Variants in WDR72 observed in about 807,000 individuals in gnomAD.
WDR72 encodes WD repeat-containing protein 72.
Under a neutral mutation model 124.2 loss-of-function variants are expected in WDR72, and 120 were observed. That is an observed-to-expected ratio of 0.97 (90% CI 0.83 to 1.12). The LOEUF (loss-of-function observed/expected upper bound fraction) is 1.12, where lower values mean the gene tolerates loss of function less well. Among genes scored for constraint, WDR72 ranks in the 50% most tolerant of loss-of-function variants. The pLI is 0.00. For synonymous variants in WDR72, 452 were observed against 441.7 expected (o/e 1.02, Z -0.29); for missense variants, 1,387 against 1,278.8 (o/e 1.08, Z -1.29).
chr15:53,718,253 TTCTAAACCAGTAGC>T (rs145532998), intron 3 of WDR72, among the ~76,000 whole-genome samples: 1 of 132,174 alleles, frequency 7.6e-6, no homozygotes, highest in African/African-American at 4.4e-5. Flanking sequence ...TCTAGCCCAT[TTCTAAACCAGTAGC>T]TCTAAATTCT....
chr15:53,737,872 T>C (rs146902279), intron 1 of WDR72, among the ~76,000 whole-genome samples: 1 of 152,294 alleles, frequency 6.6e-6, no homozygotes, highest in Non-Finnish European at 1.5e-5. Flanking sequence ...AGACCACGCA[T>C]ACAACATTTA....
intron 15 of WDR72, among the ~76,000 whole-genome samples, 187 bp downstream of exon 15, chr15:53,615,239 A>G (rs1040166263): frequency 6.6e-6 from 1 of 152,006 alleles, no homozygotes; most frequent in African/African-American, 2.4e-5. Context: ...TTTATTGCCA[A>G]ATTATACTCT....
chr15:53,684,893 G>A (rs2016555864), intron 13 of WDR72, among the ~76,000 whole-genome samples: 1 of 152,212 alleles, frequency 6.6e-6, no homozygotes, highest in South Asian at 2.1e-4. Context: ...CCTCAAGTGG[G>A]TGCCTGACCC....
At chr15:53,551,505 G>A (rs546681616) in intron 18 of WDR72, among the ~76,000 whole-genome samples, 114 of 152,190 alleles carry the variant, frequency 7.5e-4, no homozygotes, top group Non-Finnish European at 1.5e-3. Flanking sequence ...CAGGAGATGC[G>A]TAAAGGAAGA....
chr15:53,635,392 T>C (rs963131567), intron 14 of WDR72, among the ~76,000 whole-genome samples: 54 of 152,178 alleles, frequency 3.5e-4, no homozygotes, highest in Non-Finnish European at 6.3e-4. Flanking sequence ...GATAAATTAA[T>C]TCAGAATTGG....
intron 1 of WDR72, among the ~76,000 whole-genome samples, chr15:53,734,135 T>C (rs1430638855): frequency 6.6e-6 from 1 of 151,526 alleles, no homozygotes; most frequent in East Asian, 1.9e-4. Flanking sequence ...TTATTTCTAA[T>C]GTTCAATTAT....
chr15:53,717,897 GA>G (rs1348314121), intron 3 of WDR72, among the ~76,000 whole-genome samples: 2 of 151,890 alleles, frequency 1.3e-5, no homozygotes, highest in African/African-American at 2.4e-5. Flanking sequence ...AAAATAGGAG[GA>G]AAAAATCTCT....
At chr15:53,726,575 T>C (rs1479989210) in intron 2 of WDR72, among the ~76,000 whole-genome samples, 3 of 152,056 alleles carry the variant, frequency 2.0e-5, no homozygotes, top group African/African-American at 7.2e-5. Flanking sequence ...AGCATGGTGG[T>C]TCATGTTTAT....
chr15:53,653,498 G>A (rs1386962792), intron 14 of WDR72, among the ~76,000 whole-genome samples: 1 of 152,202 alleles, frequency 6.6e-6, no homozygotes, highest in Non-Finnish European at 1.5e-5. Context: ...ACTAACATCA[G>A]TGGAAATATG....
chr15:53,657,202 T>C (rs915534158), intron 14 of WDR72, among the ~76,000 whole-genome samples: 2 of 129,396 alleles, frequency 1.5e-5, no homozygotes, highest in Non-Finnish European at 3.1e-5. Context: ...AGGCACAGAC[T>C]GCAGTGAGCC....
chr15:53,526,176 C>T (rs1384132025), intron 18 of WDR72, among the ~76,000 whole-genome samples: 3 of 151,964 alleles, frequency 2.0e-5, no homozygotes, highest in Non-Finnish European at 2.9e-5. Context: ...TTAATGTGCC[C>T]TCATACAACT....
intron 14 of WDR72, among the ~76,000 whole-genome samples, chr15:53,653,773 G>A (rs2015323030): frequency 6.6e-6 from 1 of 152,132 alleles, no homozygotes; most frequent in Admixed American, 6.5e-5. Flanking sequence ...TGAAGAATAT[G>A]TGTAAACCTT....
intron 2 of WDR72, among the ~76,000 whole-genome samples, chr15:53,723,782 T>A (rs1251491807): frequency 6.6e-6 from 1 of 152,182 alleles, no homozygotes; most frequent in African/African-American, 2.4e-5. Context: ...ACAATATAAA[T>A]GCTATGTAAA....
chr15:53,749,372 T>A (rs1037321793), intron 1 of WDR72, among the ~76,000 whole-genome samples: 2 of 152,140 alleles, frequency 1.3e-5, no homozygotes, highest in Admixed American at 1.3e-4. Context: ...TGTAATTGTT[T>A]TGGGGTGCCA....
chr15:53,700,167 T>C (rs1054958710), intron 12 of WDR72, among the ~76,000 whole-genome samples: 1 of 152,212 alleles, frequency 6.6e-6, no homozygotes, highest in African/African-American at 2.4e-5. Flanking sequence ...GGTCAAAAGA[T>C]GAATCCAGGA....
intron 1 of WDR72, among the ~76,000 whole-genome samples, chr15:53,743,380 T>C (rs1595885785): frequency 1.3e-5 from 2 of 152,126 alleles, no homozygotes; most frequent in East Asian, 1.9e-4. Flanking sequence ...ATATTTAATA[T>C]AGATTGAAAT....
chr15:53,711,280 TC>T (rs2017528530), intron 8 of WDR72, 55 bp downstream of exon 8: 3 of 1,612,916 alleles, frequency 1.9e-6, no homozygotes, highest in Non-Finnish European at 2.5e-6. Context: ...ATAATAAACC[TC>T]CCAAAGTTCA....
At chr15:53,758,797 G>A (rs1026047713) in intron 1 of WDR72, among the ~76,000 whole-genome samples, 1 of 141,546 alleles carries the variant, frequency 7.1e-6, no homozygotes, top group Non-Finnish European at 1.5e-5. Context: ...GCGGGCGGGG[G>A]AAGACAAACG....
chr15:53,702,810 G>A (rs555168806), intron 11 of WDR72, among the ~76,000 whole-genome samples: 8 of 152,170 alleles, frequency 5.3e-5, no homozygotes, highest in East Asian at 3.9e-4. Flanking sequence ...CAATTCCAGC[G>A]TCACTGAATA....
Sources: allele counts gnomAD v4.1 joint callset (sites outside exome capture counted in the v4.1 genomes callset), GRCh38; gene constraint gnomAD v4.1.1; transcripts MANE v1.5; gene names NCBI Gene and HGNC (gene_info 2026-07-23, HGNC 2026-07-21).